The following MYO18B variants were observed in gnomAD, a reference collection of about 807,000 sequenced individuals.
The protein encoded by MYO18B is myosin XVIIIB, also known as unconventional myosin-XVIIIb.
Under a neutral mutation model 273.0 loss-of-function variants are expected in MYO18B, and 204 were observed. The ratio of observed to expected loss-of-function variants is 0.75; its 90% CI spans 0.67 to 0.84. MYO18B has a LOEUF of 0.84. MYO18B is among the 40% of genes least tolerant of loss of function. The pLI is 0.00. For synonymous variants in MYO18B, 1,330 were observed against 1,305.7 expected (o/e 1.02, Z -0.40); for missense variants, 3,212 against 3,287.6 (o/e 0.98, Z 0.56).
intron 21 of MYO18B, among the ~76,000 whole-genome samples, chr22:25,856,387 C>A (rs2090575771): frequency 6.6e-6 from 1 of 152,190 alleles, no homozygotes; most frequent in Non-Finnish European, 1.5e-5. Flanking sequence ...CAGGACATGC[C>A]ATTCATGGAT....
chr22:25,967,723 AT>A (rs370197201), intron 39 of MYO18B, among the ~76,000 whole-genome samples: 1 of 152,246 alleles, frequency 6.6e-6, no homozygotes, highest in African/African-American at 2.4e-5. Flanking sequence ...AAGGAAATTT[AT>A]TGGCTCATGT....
At position 25,830,281 on chromosome 22, in the gene MYO18B, T is replaced by TA. The variant is rs544994104; in HGVS notation, c.2979+1314dup. Among the ~76,000 whole-genome samples the TA allele has an allele frequency of 1.6e-3, 248 of 152,034 alleles. 10 individuals are homozygous for TA. The South Asian group carries it at 0.046, about 28-fold the overall frequency. ...CTCTCTGACCCTCAATTTTTTTTTT[T>TA]ACGTGGAAAACAGAGATAATAATAC... On this transcript the variant is annotated intron_variant, in intron 15 of 43. Coordinates refer to ENST00000335473, the MANE Select transcript of MYO18B (RefSeq NM_032608.7).
chr22:25,927,467 A>G (rs910364997), intron 34 of MYO18B, among the ~76,000 whole-genome samples: 3 of 152,124 alleles, frequency 2.0e-5, no homozygotes, highest in African/African-American at 4.8e-5. Context: ...CGCCTAATAA[A>G]TTTTGGTCAG....
intron 39 of MYO18B, among the ~76,000 whole-genome samples, chr22:25,973,099 C>A (rs938436424): frequency 6.6e-6 from 1 of 152,178 alleles, no homozygotes; most frequent in African/African-American, 2.4e-5. Flanking sequence ...CTGAAGGACA[C>A]TATCTACTTC....
intron 14 of MYO18B, among the ~76,000 whole-genome samples, chr22:25,827,499 T>C (rs2089539120): frequency 6.6e-6 from 1 of 152,210 alleles, no homozygotes; most frequent in Admixed American, 6.5e-5. Flanking sequence ...TTAGCAGTTT[T>C]TTCAGCAGAG....
intron 1 of MYO18B, 29 bp from the exon 2 acceptor site, chr22:25,760,955 T>C (rs952710099): frequency 5.3e-5 from 51 of 968,774 alleles, no homozygotes; most frequent in Non-Finnish European, 7.7e-5. Flanking sequence ...GTCTCTCTCT[T>C]CTCTCCCCAC....
chr22:25,914,502 T>G (rs893335979), intron 33 of MYO18B, among the ~76,000 whole-genome samples: 3 of 151,982 alleles, frequency 2.0e-5, no homozygotes, highest in Non-Finnish European at 4.4e-5. Flanking sequence ...AGAATATTTT[T>G]CTGTATTCTA....
intron 27 of MYO18B, among the ~76,000 whole-genome samples, chr22:25,893,212 T>A (rs969063468): frequency 1.1e-4 from 16 of 152,190 alleles, no homozygotes; most frequent in Non-Finnish European, 2.4e-4. Flanking sequence ...ATGAATTATT[T>A]AAAAAAATAT....
At chr22:25,948,435 C>CTTT (rs1569224898) in intron 36 of MYO18B, among the ~76,000 whole-genome samples, 1 of 110,792 alleles carries the variant, frequency 9.0e-6, no homozygotes, top group African/African-American at 3.6e-5. Context: ...TCCTTCCTTC[C>CTTT]TTCCTTCCTT....
chr22:25,986,698 C>G (rs1461769663), intron 39 of MYO18B, among the ~76,000 whole-genome samples: 1 of 152,086 alleles, frequency 6.6e-6, no homozygotes, highest in Non-Finnish European at 1.5e-5. Context: ...GGATAAAGTA[C>G]GTGTTACAGG....
the MYO18B span, among the ~76,000 whole-genome samples, chr22:26,058,088 A>G: frequency 6.6e-6 from 1 of 152,228 alleles, no homozygotes; most frequent in African/African-American, 2.4e-5. Flanking sequence ...AAGGTCCTCA[A>G]GATGATGTAA....
intron 42 of MYO18B, among the ~76,000 whole-genome samples, chr22:26,018,828 C>G (rs952594612): frequency 1.3e-5 from 2 of 152,148 alleles, no homozygotes; most frequent in African/African-American, 2.4e-5. Context: ...TGGTGGCGAG[C>G]ACCTGTAATC....
intron 15 of MYO18B, among the ~76,000 whole-genome samples, chr22:25,829,841 A>AAAT (rs968096302): frequency 6.6e-6 from 1 of 151,688 alleles, no homozygotes; most frequent in African/African-American, 2.4e-5. Flanking sequence ...CCATCTCAAA[A>AAAT]AATAATAATA....
intron 21 of MYO18B, among the ~76,000 whole-genome samples, chr22:25,865,966 T>G (rs1384947981): frequency 6.6e-6 from 1 of 152,172 alleles, no homozygotes; most frequent in African/African-American, 2.4e-5. Context: ...TAAAATGTGA[T>G]AAGTGAAACC....
intron 39 of MYO18B, among the ~76,000 whole-genome samples, chr22:25,957,332 T>C (rs535830586): frequency 3.2e-4 from 48 of 152,342 alleles, no homozygotes; most frequent in Non-Finnish European, 1.0e-4. Flanking sequence ...CATATTCTGA[T>C]CTTGAAAGGC....
chr22:25,879,897 C>T (rs1395033937), intron 25 of MYO18B, among the ~76,000 whole-genome samples: 2 of 152,118 alleles, frequency 1.3e-5, no homozygotes, highest in Non-Finnish European at 2.9e-5. Flanking sequence ...AGGTGCTATA[C>T]ACTTTTAAAC....
At chr22:25,838,927 CTG>C (rs1016286001) in intron 17 of MYO18B, among the ~76,000 whole-genome samples, 11 of 150,142 alleles carry the variant, frequency 7.3e-5, no homozygotes, top group Middle Eastern at 6.9e-3. Context: ...CTGTGTGTGC[CTG>C]TGTGTGTGCA....
intron 23 of MYO18B, 91 bp downstream of exon 23, chr22:25,874,505 C>T (rs1035226639): frequency 2.0e-5 from 29 of 1,487,130 alleles, no homozygotes; most frequent in Non-Finnish European, 2.6e-5. Flanking sequence ...ACCGGTGCAC[C>T]GGGTCCAAGG....
chr22:25,845,530 C>G (rs899854044), intron 18 of MYO18B, among the ~76,000 whole-genome samples: 3 of 145,412 alleles, frequency 2.1e-5, no homozygotes, highest in African/African-American at 7.8e-5. Flanking sequence ...AAACCAACAA[C>G]AACAACAACA....
Sources: allele counts gnomAD v4.1 joint callset (sites outside exome capture counted in the v4.1 genomes callset), GRCh38; gene constraint gnomAD v4.1.1; transcripts MANE v1.5; gene names NCBI Gene and HGNC (gene_info 2026-07-23, HGNC 2026-07-21).